Variants in CENPW observed in about 807,000 individuals in gnomAD.
CENPW encodes the protein centromere protein W.
CENPW carries 3 observed loss-of-function variants against 11.1 expected under a neutral mutation model. The ratio of observed to expected loss-of-function variants is 0.27; its 90% CI spans 0.12 to 0.70. The LOEUF is 0.70. CENPW is among the 30% of genes least tolerant of loss of function. The probability of loss-of-function intolerance (pLI) is 0.77; values close to 1 mark genes in which losing one functional copy is unlikely to be tolerated. For synonymous variants in CENPW, 38 were observed against 42.0 expected, an observed-to-expected ratio of 0.91 and a Z score of 0.37; for missense variants, 100 against 105.6, an observed-to-expected ratio of 0.95 and a Z score of 0.23.
the CENPW span, among the ~76,000 whole-genome samples, chr6:126,373,267 C>T: frequency 6.6e-6 from 1 of 152,154 alleles, no homozygotes; most frequent in South Asian, 2.1e-4. Flanking sequence ...ATTTTTAACA[C>T]ACTATGCTTG....
chr6:126,373,948 G>A, the CENPW span, among the ~76,000 whole-genome samples: 1 of 152,188 alleles, frequency 6.6e-6, no homozygotes. Context: ...CACATTGCCT[G>A]ATTAGTGGTT....
chr6:126,475,914 C>T, the CENPW span, among the ~76,000 whole-genome samples: 3 of 151,990 alleles, frequency 2.0e-5, no homozygotes, highest in Admixed American at 1.3e-4. Context: ...CGAGTTGCCA[C>T]TAACGCCCTA....
chr6:126,359,698 T>A, the CENPW span, among the ~76,000 whole-genome samples: 1 of 152,090 alleles, frequency 6.6e-6, no homozygotes, highest in Non-Finnish European at 1.5e-5. Flanking sequence ...TTCCTAATAG[T>A]TAGTGGTTTA....
At chr6:126,368,411 A>G in the CENPW span, among the ~76,000 whole-genome samples, 1 of 152,202 alleles carries the variant, frequency 6.6e-6, no homozygotes, top group African/African-American at 2.4e-5. Flanking sequence ...CTTCTGAGAA[A>G]AAGTTGTTCT....
chr6:126,431,114 A>G, the CENPW span, among the ~76,000 whole-genome samples: 1 of 152,118 alleles, frequency 6.6e-6, no homozygotes, highest in Non-Finnish European at 1.5e-5. Context: ...TTTTCTTCCT[A>G]TTTTATCCTA....
the CENPW span, among the ~76,000 whole-genome samples, chr6:126,363,655 A>G: frequency 6.6e-6 from 1 of 152,178 alleles, no homozygotes; most frequent in African/African-American, 2.4e-5. Flanking sequence ...AGCCTGTACC[A>G]TTGGTTCAAG....
At chr6:126,393,396 T>C in the CENPW span, among the ~76,000 whole-genome samples, 1 of 151,712 alleles carries the variant, frequency 6.6e-6, no homozygotes, top group Non-Finnish European at 1.5e-5. Flanking sequence ...TAGTTTTTCT[T>C]CTTTTTTGAT....
At chr6:126,382,978 T>C in the CENPW span, among the ~76,000 whole-genome samples, 2 of 152,204 alleles carry the variant, frequency 1.3e-5, no homozygotes, top group African/African-American at 4.8e-5. Context: ...CCAAGACACA[T>C]AATCTTCAGA....
At chr6:126,393,736 A>T in the CENPW span, among the ~76,000 whole-genome samples, 2 of 149,418 alleles carry the variant, frequency 1.3e-5, no homozygotes, top group Non-Finnish European at 3.0e-5. Context: ...TATATAAATT[A>T]TATATGGATA....
the CENPW span, among the ~76,000 whole-genome samples, chr6:126,367,717 T>C: frequency 1.3e-5 from 2 of 152,018 alleles, no homozygotes; most frequent in Admixed American, 1.3e-4. Flanking sequence ...ACTGAGTGGG[T>C]TAAGAGATAA....
the CENPW span, among the ~76,000 whole-genome samples, chr6:126,458,991 T>C: frequency 6.6e-6 from 1 of 151,470 alleles, no homozygotes; most frequent in East Asian, 1.9e-4. Flanking sequence ...TAGGGTGTTT[T>C]CTCTGATTAT....
the CENPW span, among the ~76,000 whole-genome samples, chr6:126,354,508 CA>C: frequency 1.4e-4 from 21 of 152,048 alleles, no homozygotes; most frequent in African/African-American, 5.1e-4. Flanking sequence ...TATCTACGTA[CA>C]AAAAACTGCA....
the CENPW span, among the ~76,000 whole-genome samples, chr6:126,408,980 T>C: frequency 6.6e-6 from 1 of 152,042 alleles, no homozygotes; most frequent in Non-Finnish European, 1.5e-5. Context: ...TATTTATTTT[T>C]CTCTACTAAT....
At chr6:126,386,313 T>A in the CENPW span, among the ~76,000 whole-genome samples, 1 of 152,034 alleles carries the variant, frequency 6.6e-6, no homozygotes, top group Non-Finnish European at 1.5e-5. Flanking sequence ...AAACTCCCCA[T>A]GTGTATAAAT....
At chr6:126,383,163 TAC>T in the CENPW span, among the ~76,000 whole-genome samples, 1 of 152,184 alleles carries the variant, frequency 6.6e-6, no homozygotes, top group Non-Finnish European at 1.5e-5. Flanking sequence ...GAATTTTATA[TAC>T]AGTCAAACTA....
the CENPW span, among the ~76,000 whole-genome samples, chr6:126,408,064 G>T: frequency 6.6e-6 from 1 of 152,016 alleles, no homozygotes; most frequent in Non-Finnish European, 1.5e-5. Flanking sequence ...TATAGTTTTG[G>T]GTTTAACAAG....
chr6:126,404,017 G>C, the CENPW span, among the ~76,000 whole-genome samples: 1 of 151,984 alleles, frequency 6.6e-6, no homozygotes, highest in South Asian at 2.1e-4. Context: ...GGGCCCTTAA[G>C]AATTATGCTA....
the CENPW span, among the ~76,000 whole-genome samples, chr6:126,354,543 C>CA: frequency 1.3e-5 from 2 of 152,030 alleles, no homozygotes; most frequent in South Asian, 2.1e-4. Flanking sequence ...CCACCTAATA[C>CA]AAAAAATCTA....
chr6:126,422,781 A>G, the CENPW span, among the ~76,000 whole-genome samples: 1 of 152,134 alleles, frequency 6.6e-6, no homozygotes, highest in Non-Finnish European at 1.5e-5. Context: ...TCTTCACCTG[A>G]AAACGTGCCT....
Sources: allele counts gnomAD v4.1 joint callset (sites outside exome capture counted in the v4.1 genomes callset), GRCh38; gene constraint gnomAD v4.1.1; transcripts MANE v1.5; gene names NCBI Gene and HGNC (gene_info 2026-07-23, HGNC 2026-07-21).